Variants in TTN observed in about 807,000 individuals in gnomAD.
The protein encoded by TTN is connectin.
A neutral mutation model predicts 3,223.0 loss-of-function variants in TTN; 1,525 were observed. The observed-to-expected ratio is 0.47, with a 90% CI of 0.45 to 0.49. The LOEUF is 0.49. Ranked by LOEUF, TTN falls within the 20% of genes least tolerant of loss-of-function variation. TTN has a pLI of 0.00. For synonymous variants in TTN, 14,094 were observed against 15,161.0 expected (o/e 0.93, Z 5.17); for missense variants, 40,786 against 43,424.0 (o/e 0.94, Z 5.40).
At chr2:178,781,380 T>A in intron 20 of TTN, 117 bp from the exon 21 acceptor site, 1 of 1,153,462 alleles carries the variant, frequency 8.7e-7, no homozygotes, top group Non-Finnish European at 1.3e-6. Context: ...CCTAAACATA[T>A]GACTAAGCTC....
Position 178,576,700 on chromosome 2 carries a change from T to C in TTN, c.69544A>G (p.Lys23182Glu). The C allele has an allele frequency of 1.9e-6, 3 of 1,613,562 alleles. No individual in the cohort carries two copies. Among genetic ancestry groups the C allele is most frequent in the Non-Finnish European group, 2.5e-6 (3 of 1,179,618 alleles). The part of the protein sequence containing the change: ...TGYHVERREK[K>E]SLRWVRAIKT... Reference sequence around the variant, plus strand: ...ATTGCTCTCACCCATCGCAGGCTTTTCTTTTCTCTCCTTTCTACATGATAT... The same window carrying C: ...ATTGCTCTCACCCATCGCAGGCTTTCCTTTTCTCTCCTTTCTACATGATAT... The change falls in exon 325 of 363, where the codon AAA becomes GAA. Residue 23182 changes from lysine (K) to glutamate (E), a missense_variant. Coordinates refer to ENST00000589042, the MANE Select transcript of TTN (RefSeq NM_001267550.2). This position sits in a 1 kb window ranked among gnomAD's most constrained non-coding sequence, Gnocchi z 4.3.
intron 60 of TTN, 34 bp from the exon 61 acceptor site, chr2:178,730,826 A>C: frequency 6.5e-7 from 1 of 1,542,024 alleles, no homozygotes. Flanking sequence ...CAACAAAAAA[A>C]GGTCAATCTA....
chr2:178,688,812 CA>C (rs752197250), intron 125 of TTN, 34 bp from the exon 126 acceptor site: 54 of 1,521,082 alleles, frequency 3.6e-5, no homozygotes, highest in Non-Finnish European at 3.6e-5. Context: ...AGTTTAAAAT[CA>C]AGAATTTTAA....
rs566710566 is a variant in TTN, at chr2:178,609,520, C to T, written c.51790G>A (p.Glu17264Lys). The T allele has an allele frequency of 6.2e-7, 1 of 1,612,452 alleles. No individual in the cohort carries two copies. The highest frequency in any genetic ancestry group is 1.7e-5 in the Admixed American group (1 of 59,936). Residue 17264 changes from glutamate (E) to lysine (K), a missense_variant, in exon 273 of 363, where the codon GAA becomes AAA. By Grantham distance (56) the Glu-to-Lys change is moderately conservative (BLOSUM62 1). Transcript: ENST00000589042. ...GAAATACTTGCATCAAGTGCTATTTCATCACCTCGTTTCACTTCTAGGCTT... is the reference window on the plus strand; with the variant it reads ...GAAATACTTGCATCAAGTGCTATTTTATCACCTCGTTTCACTTCTAGGCTT... ...RTSLEVKRGD[E>K]IALDASISGS...
Position 178,634,039 on chromosome 2 carries a change from T to C in TTN, c.42460A>G (p.Lys14154Glu), listed in dbSNP as rs752701347. 6.2e-7 allele frequency: 1 copy of C among 1,613,168 alleles called. No homozygotes were observed. Among genetic ancestry groups the C allele is most frequent in the South Asian group, 1.1e-5 (1 of 91,048 alleles). The stretch of plus-strand genomic sequence containing the variant: ...ACAAAAGTTGCTGTTTCACCTTCTT[T>C]TACTGTTTGATCTTCAAGAGGTGAC... ...FMSPLEDQTVKEGETATFVCE... is the reference protein window; with the variant it reads ...FMSPLEDQTVEEGETATFVCE... The change falls in exon 231 of 363, where the codon AAA becomes GAA. Residue 14154 changes from lysine to glutamate, a missense_variant. Transcript: ENST00000589042. This position sits in a 1 kb window ranked among gnomAD's most constrained non-coding sequence, Gnocchi z 4.6.
At chr2:178,793,650 A>C in intron 8 of TTN, 109 bp from the exon 9 acceptor site, 4 of 1,491,772 alleles carry the variant, frequency 2.7e-6, no homozygotes, top group Non-Finnish European at 3.7e-6. Flanking sequence ...AAATACAAAA[A>C]TTAGCTGGGT....
In TTN at chr2:178,549,224, G is replaced by C; in HGVS notation, c.92402C>G (p.Ala30801Gly). 1.2e-6 allele frequency: 2 copies of C among 1,613,844 alleles called. No homozygotes were observed. The highest frequency in any genetic ancestry group is 1.7e-6 in the Non-Finnish European group (2 of 1,179,828). ...YEFHVMAENA[A>G]GVGPASGISR... ...GATGCCACTTGCAGGTCCAACTCCT[G>C]CAGCATTTTCAGCCATGACATGGAA... The change falls in exon 339 of 363, where the codon GCA (alanine) becomes GGA (glycine). Residue 30801 changes from alanine (A) to glycine (G), a missense_variant. Transcript: ENST00000589042.
In TTN at chr2:178,545,664, C is replaced by T; in HGVS notation, c.95446G>A (p.Glu31816Lys). The T allele has an allele frequency of 6.2e-7, 1 of 1,613,582 alleles. No homozygotes were observed. The highest frequency in any genetic ancestry group is 1.1e-5 in the South Asian group (1 of 91,058). The change falls in exon 344 of 363, where the codon GAA becomes AAA. Residue 31816 changes from glutamate (E) to lysine (K), a missense_variant. By Grantham distance (56) the Glu-to-Lys change is moderately conservative (BLOSUM62 1). Coordinates refer to ENST00000589042, the MANE Select transcript of TTN (RefSeq NM_001267550.2). ...TIPSPPGIPE[E>K]VGTGKEHIII... Reference sequence around the variant, plus strand: ...ATATGCTCTTTGCCAGTCCCAACTTCTTCAGGTATGCCGGGTGGTGATGGA... The same window carrying T: ...ATATGCTCTTTGCCAGTCCCAACTTTTTCAGGTATGCCGGGTGGTGATGGA...
At chr2:178,639,601 T>G (rs1298536349) in intron 223 of TTN, 98 bp downstream of exon 223, 3 of 1,201,694 alleles carry the variant, frequency 2.5e-6, no homozygotes, top group Non-Finnish European at 3.6e-6. Context: ...ATGATACCTA[T>G]GTTGCAGCAT....
intron 47 of TTN, chr2:178,751,868 G>A (rs2085626496): frequency 1.9e-6 from 3 of 1,607,966 alleles, no homozygotes; most frequent in Non-Finnish European, 2.5e-6. Context: ...ATATTTAAAT[G>A]TAAGTTTCTG....
chr2:178,777,061 T>TG lies in TTN; in HGVS notation c.4815-13dup. Reference sequence around the variant, plus strand: ...TGGTTCCTTCAATTCTATAAAAAGTTGGGGGAGGGAATAATCAATATAGTG... The same window carrying TG: ...TGGTTCCTTCAATTCTATAAAAAGTTGGGGGGAGGGAATAATCAATATAGTG... On this transcript the variant is annotated splice_polypyrimidine_tract_variant and intron_variant, in intron 27 of 362. Coordinates refer to ENST00000589042, the MANE Select transcript of TTN (RefSeq NM_001267550.2). 13 of 1,613,968 alleles carry TG rather than the reference T, an allele frequency of 8.1e-6. No homozygotes were observed. Among genetic ancestry groups the TG allele is most frequent in the Non-Finnish European group, 1.1e-5 (13 of 1,179,972 alleles).
chr2:178,667,792 T>C, intron 159 of TTN, 71 bp from the exon 160 acceptor site: 2 of 1,080,284 alleles, frequency 1.9e-6, no homozygotes, highest in South Asian at 1.5e-5. Flanking sequence ...AAGAAAAATA[T>C]AATATATAAT....
intron 3 of TTN, 22 bp from the exon 4 acceptor site, chr2:178,800,704 G>A (rs2094014543): frequency 1.3e-6 from 2 of 1,596,222 alleles, no homozygotes; most frequent in Admixed American, 1.7e-5. Flanking sequence ...AGAGAACAAA[G>A]TCAAGAGTGA....
rs201945791 is a variant in TTN at position 178,715,754 on chromosome 2, T to C, written c.25660A>G (p.Lys8554Glu). The C allele has an allele frequency of 8.3e-5, 132 of 1,585,170 alleles. No individual in the cohort carries two copies. The highest frequency in any genetic ancestry group is 9.3e-5 in the Non-Finnish European group (108 of 1,163,988). The change falls in exon 89 of 363, where the codon AAG becomes GAG. Residue 8554 changes from lysine (K) to glutamate (E), a missense_variant. Physicochemically the swap from Lys to Glu is moderately conservative, Grantham distance 56. Transcript: ENST00000589042. ...TTCACAATTCTTGAAGGTTCTAGCT[T>C]CTTAATGAACCTGGGTGGTTCTATG... ...GVQEPPRFIKKLEPSRIVKQD... is the reference protein window; with the variant it reads ...GVQEPPRFIKELEPSRIVKQD...
chr2:178,677,543 C>G, intron 146 of TTN, 78 bp downstream of exon 146: 1 of 1,412,758 alleles, frequency 7.1e-7, no homozygotes, highest in Non-Finnish European at 9.5e-7. Flanking sequence ...ATAGATAAAA[C>G]TGGAGATGAA....
At chr2:178,778,476 A>G (rs757297051) in intron 24 of TTN, 10 of 308,712 alleles carry the variant, frequency 3.2e-5, no homozygotes, top group Non-Finnish European at 6.2e-5. Flanking sequence ...TGGAGTTTGA[A>G]TGCTGGCACC....
Position 178,730,610 on chromosome 2 carries a change from A to C in TTN, c.17923T>G (p.Phe5975Val), listed in dbSNP as rs776879045. The change falls in exon 61 of 363, where the codon TTC (phenylalanine) becomes GTC (valine). Residue 5975 changes from phenylalanine to valine, a missense_variant. Physicochemically the swap from Phe to Val is conservative, Grantham distance 50. Coordinates refer to ENST00000589042, the MANE Select transcript of TTN (RefSeq NM_001267550.2). ...CCTTCCAGCTGGCTGATTTCCAAGA[A>C]GGCAGTATTGTCATGAAAAGAGAAT... is the stretch of plus-strand genomic sequence containing the variant. ...YKFSFHDNTA[F>V]LEISQLEGTD... is the part of the protein sequence containing the mutation. 1 of 1,613,632 alleles carries C rather than the reference A, an allele frequency of 6.2e-7. No individual in the cohort carries two copies. Among genetic ancestry groups the C allele is most frequent in the Non-Finnish European group, 8.5e-7 (1 of 1,179,658 alleles).
chr2:178,659,279 C>CAAAT (rs1205682380), intron 180 of TTN, 24 bp from the exon 181 acceptor site: 10 of 493,318 alleles, frequency 2.0e-5, no homozygotes, highest in Non-Finnish European at 3.7e-5. Flanking sequence ...AGTGAAATTA[C>CAAAT]ATTTAGGCAT....
rs1181542972 is a variant in TTN at position 178,548,670 on chromosome 2, A to T, written c.92956T>A (p.Cys30986Ser). 1.2e-6 allele frequency: 2 copies of T among 1,613,856 alleles called. No individual in the cohort carries two copies. The highest frequency in any genetic ancestry group is 1.7e-6 in the Non-Finnish European group (2 of 1,179,784). Residue 30986 changes from cysteine (C) to serine (S), a missense_variant, in exon 339 of 363, where the codon TGC (cysteine) becomes AGC (serine). Coordinates refer to ENST00000589042, the MANE Select transcript of TTN (RefSeq NM_001267550.2). The surrounding 1 kb of genome is among the most constrained non-coding windows in gnomAD (Gnocchi z 4.3). ...TATTTCCCTGCATCATTTCTGTTGC[A>T]GTTTTCCACAGTGAGGGTGCTGAAG... Reference protein sequence around the residue: ...DSFSTLTVENCNRNDAGKYTL... With the variant: ...DSFSTLTVENSNRNDAGKYTL...
Sources: gnomAD v4.1 joint callset for allele counts on GRCh38, gnomAD v4.1.1 for gene constraint, Gnocchi (gnomAD v3.1) non-coding constraint, MANE v1.5 for transcripts, NCBI Gene and HGNC (gene_info 2026-07-23, HGNC 2026-07-21) for gene names.